The following LEPR variants were observed in gnomAD, a reference collection of about 807,000 sequenced individuals.
The protein encoded by LEPR is leptin receptor.
A neutral mutation model predicts 114.7 loss-of-function variants in LEPR; 56 were observed. The observed-to-expected ratio is 0.49, with a 90% CI of 0.39 to 0.61. The LOEUF (loss-of-function observed/expected upper bound fraction) is 0.61. Among genes scored for constraint, LEPR ranks in the 20% least tolerant of loss-of-function variants. The probability of loss-of-function intolerance (pLI) is 0.00; values close to 1 mark genes in which losing one functional copy is unlikely to be tolerated. For synonymous variants in LEPR, 443 were observed against 461.4 expected (o/e 0.96, Z 0.51); for missense variants, 1,202 against 1,352.9 (o/e 0.89, Z 1.75).
chr1:65,528,088 A>G (rs1052639964), intron 2 of LEPR, among the ~76,000 whole-genome samples: 6 of 152,058 alleles, frequency 3.9e-5, no homozygotes, highest in African/African-American at 1.5e-4. Context: ...TCACTATTAT[A>G]GGAACAAATG....
intron 15 of LEPR, 118 bp from the exon 16 acceptor site, chr1:65,617,846 T>C: frequency 1.0e-6 from 1 of 985,586 alleles, no homozygotes; most frequent in South Asian, 1.9e-5. Context: ...TATTTATTTG[T>C]GTAAATTGTC....
rs1404124872 is a variant in LEPR, at chr1:65,636,295, A to C, written c.2778A>C (p.Thr926=). 1 of 1,613,918 alleles carries C rather than the reference A, an allele frequency of 6.2e-7. No individual in the cohort carries two copies. Among genetic ancestry groups the C allele is most frequent in the East Asian group, 2.2e-5 (1 of 44,892 alleles). The change falls in exon 20 of 20, where the codon ACA becomes ACC. Residue 926 remains threonine, a synonymous_variant. Coordinates refer to ENST00000349533, the MANE Select transcript of LEPR (RefSeq NM_002303.6). ...ETISEDISVD[T]SWKNKDEMMP... ...TTTCAGAAGATATCAGTGTTGATAC[A>C]TCATGGAAAAATAAAGATGAGATGA...
At chr1:65,609,856 G>A in intron 12 of LEPR, 91 bp from the exon 13 acceptor site, 1 of 1,555,468 alleles carries the variant, frequency 6.4e-7, no homozygotes, top group Non-Finnish European at 8.8e-7. Flanking sequence ...TTTTGGAATA[G>A]TGTTAAGGTT....
At chr1:65,618,897 C>T (rs570099895) in intron 16 of LEPR, among the ~76,000 whole-genome samples, 1 of 152,248 alleles carries the variant, frequency 6.6e-6, no homozygotes, top group Admixed American at 6.5e-5. Flanking sequence ...AAACTGTGTA[C>T]CAACTTATAA....
chr1:65,507,561 A>C (rs1648819079), intron 2 of LEPR, among the ~76,000 whole-genome samples: 1 of 149,510 alleles, frequency 6.7e-6, no homozygotes, highest in South Asian at 2.1e-4. Flanking sequence ...ACACACACAC[A>C]CAACATTAAA....
At chr1:65,573,962 A>T (rs1414851286) in intron 5 of LEPR, among the ~76,000 whole-genome samples, 1 of 152,208 alleles carries the variant, frequency 6.6e-6, no homozygotes, top group African/African-American at 2.4e-5. Flanking sequence ...AAAGACATGT[A>T]AAAAAGGATG....
intron 5 of LEPR, among the ~76,000 whole-genome samples, chr1:65,589,549 G>T (rs1655547980): frequency 3.3e-5 from 5 of 151,718 alleles, no homozygotes; most frequent in African/African-American, 9.7e-5. Context: ...CATAGCTTTA[G>T]GTTTTACATT....
At chr1:65,521,868 G>A (rs1224237219) in intron 2 of LEPR, among the ~76,000 whole-genome samples, 1 of 152,098 alleles carries the variant, frequency 6.6e-6, no homozygotes, top group Admixed American at 6.6e-5. Context: ...GGGAGGTTGA[G>A]GCGGGCGGAT....
chr1:65,433,232 C>T (rs373378880), intron 2 of LEPR: 11 of 985,346 alleles, frequency 1.1e-5, no homozygotes, highest in African/African-American at 1.0e-4. Flanking sequence ...GGCTTCTTCC[C>T]GAAGAGATAT....
intron 5 of LEPR, 98 bp from the exon 6 acceptor site, chr1:65,592,559 A>G: frequency 7.4e-7 from 1 of 1,354,626 alleles, no homozygotes; most frequent in Non-Finnish European, 1.0e-6. Flanking sequence ...TGGGTGTCCC[A>G]AATAGTTTAC....
At chr1:65,579,801 G>T (rs903496947) in intron 5 of LEPR, among the ~76,000 whole-genome samples, 2 of 152,006 alleles carry the variant, frequency 1.3e-5, no homozygotes, top group Non-Finnish European at 2.9e-5. Flanking sequence ...AAAAAGATAA[G>T]TATATGTGTA....
intron 5 of LEPR, among the ~76,000 whole-genome samples, chr1:65,584,656 C>T (rs938881173): frequency 3.3e-5 from 5 of 151,968 alleles, no homozygotes; most frequent in African/African-American, 4.8e-5. Flanking sequence ...TGAAAACAAG[C>T]GTACTAACTG....
Position 65,493,901 on chromosome 1 carries a change from A to G in LEPR, c.-21+68523A>G, listed in dbSNP as rs761532154. 4 of 152,186 alleles carry G rather than the reference A, an allele frequency of 2.6e-5. No homozygotes were observed. In the South Asian group the frequency reaches 6.2e-4, roughly 24 times the overall value. 9.4% of individuals were successfully genotyped at this position (152,186 alleles called of 1,614,324 possible). A position where few individuals can be genotyped will look rare whatever the true frequency, so the allele number is the denominator to read the frequency against. On this transcript the variant is annotated intron_variant, in intron 2 of 19. Coordinates refer to ENST00000349533, the MANE Select transcript of LEPR (RefSeq NM_002303.6). ...TCTGTCAACAGACCTGGATTCTGAT[A>G]TCAATGAAATAGTGCACATCTTGAA...
At chr1:65,579,685 TATC>T (rs1334665572) in intron 5 of LEPR, among the ~76,000 whole-genome samples, 1 of 152,222 alleles carries the variant, frequency 6.6e-6, no homozygotes, top group Non-Finnish European at 1.5e-5. Context: ...TTTCTGATCT[TATC>T]AGCAGGTTAA....
chr1:65,482,346 T>C (rs1215356306), intron 2 of LEPR, among the ~76,000 whole-genome samples: 2 of 152,226 alleles, frequency 1.3e-5, no homozygotes, highest in African/African-American at 2.4e-5. Flanking sequence ...ATCTGTGTTG[T>C]ACTAAAAAGC....
At chr1:65,489,985 A>G (rs1191153765) in intron 2 of LEPR, among the ~76,000 whole-genome samples, 1 of 152,166 alleles carries the variant, frequency 6.6e-6, no homozygotes, top group Non-Finnish European at 1.5e-5. Context: ...TAGAAACAGT[A>G]TAGTGCTACT....
chr1:65,527,952 A>ACAGCC (rs1650089437), intron 2 of LEPR, among the ~76,000 whole-genome samples: 1 of 152,188 alleles, frequency 6.6e-6, no homozygotes, highest in African/African-American at 2.4e-5. Flanking sequence ...CTCACGGTCC[A>ACAGCC]CAGCCAACTC....
In LEPR at chr1:65,452,069, G is replaced by A. The variant is rs1646793545; in HGVS notation, c.-21+26691G>A. Among the ~76,000 whole-genome samples, 4 of 151,890 alleles carry A rather than the reference G, an allele frequency of 2.6e-5. No individual in the cohort carries two copies. The South Asian group carries it at 8.3e-4, about 32-fold the overall frequency. On this transcript the variant is annotated intron_variant, in intron 2 of 19. Coordinates refer to ENST00000349533, the MANE Select transcript of LEPR (RefSeq NM_002303.6). Reference sequence around the variant, plus strand: ...TGAATGGGAGTTCACTCATGATTTGGCTGTCTGTTTGTCTGTTATTGGTGT... The same window carrying A: ...TGAATGGGAGTTCACTCATGATTTGACTGTCTGTTTGTCTGTTATTGGTGT...
intron 2 of LEPR, among the ~76,000 whole-genome samples, chr1:65,438,439 A>G (rs1646596356): frequency 6.6e-6 from 1 of 150,920 alleles, no homozygotes; most frequent in African/African-American, 2.4e-5. Context: ...AGTCCCAGCT[A>G]CTCAGGAGGA....
Sources: allele counts gnomAD v4.1 joint callset (sites outside exome capture counted in the v4.1 genomes callset), GRCh38; gene constraint gnomAD v4.1.1; transcripts MANE v1.5; gene names NCBI Gene and HGNC (gene_info 2026-07-23, HGNC 2026-07-21).